The following SCLT1 variants were observed in gnomAD, a reference collection of about 807,000 sequenced individuals.
SCLT1 encodes the protein sodium channel-associated protein 1.
A neutral mutation model predicts 112.8 loss-of-function variants in SCLT1; 78 were observed. The ratio of observed to expected loss-of-function variants is 0.69; its 90% CI spans 0.58 to 0.83. The LOEUF is 0.83. Ranked by LOEUF, SCLT1 falls within the 40% of genes least tolerant of loss-of-function variation. The pLI, the probability that SCLT1 is intolerant of heterozygous loss-of-function variation, is 0.00. For missense variants in SCLT1, 747 were observed against 770.4 expected (o/e 0.97, Z 0.36); for synonymous variants, 257 against 254.7 (o/e 1.01, Z -0.09).
At chr4:128,928,693 G>A (rs561199339) in intron 18 of SCLT1, among the ~76,000 whole-genome samples, 3 of 152,172 alleles carry the variant, frequency 2.0e-5, no homozygotes, top group African/African-American at 4.8e-5. Context: ...CTAACCAGGC[G>A]TGGTGGTGCA....
intron 9 of SCLT1, among the ~76,000 whole-genome samples, chr4:128,986,283 A>G (rs1387806046): frequency 6.6e-6 from 1 of 151,956 alleles, no homozygotes; most frequent in Non-Finnish European, 1.5e-5. Context: ...GAGCATTTAG[A>G]CCAGCCCCAG....
intron 7 of SCLT1, among the ~76,000 whole-genome samples, chr4:128,999,297 C>G (rs74984795): frequency 1.3e-5 from 2 of 151,926 alleles, no homozygotes; most frequent in South Asian, 2.1e-4. Context: ...TGTATTTGAG[C>G]AGGTTTCTTC....
At chr4:129,023,210 CAA>C (rs1745656374) in intron 5 of SCLT1, among the ~76,000 whole-genome samples, 1 of 152,088 alleles carries the variant, frequency 6.6e-6, no homozygotes, top group Non-Finnish European at 1.5e-5. Context: ...ATATAAAGAC[CAA>C]TGACACTATG....
intron 11 of SCLT1, 113 bp downstream of exon 11, chr4:128,965,114 T>C (rs1176491588): frequency 1.7e-6 from 1 of 603,056 alleles, no homozygotes; most frequent in Non-Finnish European, 2.9e-6. Flanking sequence ...ATGATTATAG[T>C]TTTGATTTGG....
chr4:129,038,313 T>G (rs2125691124), intron 5 of SCLT1, among the ~76,000 whole-genome samples: 1 of 152,290 alleles, frequency 6.6e-6, no homozygotes, highest in Admixed American at 6.5e-5. Context: ...TACACCTATT[T>G]TGGAAATTAA....
At chr4:129,061,620 T>C (rs35693043) in intron 2 of SCLT1, among the ~76,000 whole-genome samples, 13,403 of 152,016 alleles carry the variant, frequency 0.088, 754 homozygotes, top group South Asian at 0.15. Context: ...GCTGTTCTCA[T>C]AGGAGACAGG....
chr4:128,978,321 G>A (rs1024587865), intron 9 of SCLT1, among the ~76,000 whole-genome samples: 1 of 152,082 alleles, frequency 6.6e-6, no homozygotes, highest in Non-Finnish European at 1.5e-5. Flanking sequence ...AAATTGGGTA[G>A]GGTAGATATG....
intron 2 of SCLT1, among the ~76,000 whole-genome samples, chr4:129,057,510 A>C (rs1487100551): frequency 6.7e-6 from 1 of 150,000 alleles, no homozygotes; most frequent in African/African-American, 2.5e-5. Context: ...TTATTCTTTA[A>C]ATGTTTTGGT....
At chr4:129,001,483 T>C (rs1180622943) in intron 6 of SCLT1, among the ~76,000 whole-genome samples, 1 of 152,132 alleles carries the variant, frequency 6.6e-6, no homozygotes, top group African/African-American at 2.4e-5. Context: ...ATTTTTAAAC[T>C]ATGTCAAATG....
At chr4:128,902,008 C>G (rs1734352997) in intron 18 of SCLT1, among the ~76,000 whole-genome samples, 1 of 152,030 alleles carries the variant, frequency 6.6e-6, no homozygotes, top group South Asian at 2.1e-4. Flanking sequence ...CCTTGACCTT[C>G]TAGGCTCAAG....
In SCLT1 at chr4:129,024,695, C is replaced by T. The variant is rs549306058; in HGVS notation, c.290+14346G>A. Among the ~76,000 whole-genome samples, 327 of 152,322 alleles carry T rather than the reference C, an allele frequency of 2.1e-3. 3 individuals are homozygous for T. Among genetic ancestry groups the T allele is most frequent in the Admixed American group, 0.019 (292 of 15,296 alleles). On this transcript the variant is annotated intron_variant, in intron 5 of 20. Coordinates refer to ENST00000281142, the MANE Select transcript of SCLT1 (RefSeq NM_144643.4). ...TCACCAGCAACGGAACAAAGCTGGACAGAGAATGACTTTGACGAGTTGAGA... is the reference window on the plus strand; with the variant it reads ...TCACCAGCAACGGAACAAAGCTGGATAGAGAATGACTTTGACGAGTTGAGA...
At chr4:128,901,708 C>T (rs1734318148) in intron 18 of SCLT1, among the ~76,000 whole-genome samples, 1 of 151,644 alleles carries the variant, frequency 6.6e-6, no homozygotes, top group African/African-American at 2.4e-5. Flanking sequence ...CACCCTTGTC[C>T]CCCTTCTTTT....
rs185840163 is a variant in SCLT1 at position 128,982,781 on chromosome 4, C to T, written c.686+9386G>A. On this transcript the variant is annotated intron_variant, in intron 9 of 20. Transcript: ENST00000281142. ...CCTCCGAAAGTGCTGAGATTACAGG[C>T]ATGAGCTACCGCACCTGGCCAGCTA... Among the ~76,000 whole-genome samples, 573 of 152,212 alleles carry T rather than the reference C, an allele frequency of 3.8e-3. 2 individuals carry two copies. The highest frequency in any genetic ancestry group is 0.011 in the African/African-American group (475 of 41,552).
At chr4:128,983,345 G>A (rs895551986) in intron 9 of SCLT1, among the ~76,000 whole-genome samples, 3 of 151,938 alleles carry the variant, frequency 2.0e-5, no homozygotes, top group Non-Finnish European at 4.4e-5. Flanking sequence ...TAACTCAGTT[G>A]GATATATATT....
rs370520504 is a variant in SCLT1, at chr4:128,952,365, T to C, written c.1218+404A>G. ...CACCTCTAGCCACACAAGTATTCTTTTCCTCTCCCCTCTTGGCCTACTCAT... is the reference window on the plus strand; with the variant it reads ...CACCTCTAGCCACACAAGTATTCTTCTCCTCTCCCCTCTTGGCCTACTCAT... On this transcript the variant is annotated intron_variant, in intron 14 of 20. Coordinates refer to ENST00000281142, the MANE Select transcript of SCLT1 (RefSeq NM_144643.4). The C allele has an allele frequency of 5.4e-4, 247 of 459,188 alleles. 2 individuals carry two copies. Among genetic ancestry groups the C allele is most frequent in the South Asian group, 3.7e-3 (240 of 64,576 alleles). The allele number at this position is 459,188 out of a possible 1,614,324, so 28.4% of individuals were successfully genotyped here. A position where few individuals can be genotyped will look rare whatever the true frequency, so the allele number is the denominator to read the frequency against.
At chr4:129,081,789 T>C (rs963955562) in intron 2 of SCLT1, among the ~76,000 whole-genome samples, 2 of 152,178 alleles carry the variant, frequency 1.3e-5, no homozygotes, top group African/African-American at 2.4e-5. Context: ...AAAACACTCT[T>C]ATTTGCTTCT....
At chr4:128,974,996 G>A (rs1741018922) in intron 9 of SCLT1, among the ~76,000 whole-genome samples, 1 of 140,196 alleles carries the variant, frequency 7.1e-6, no homozygotes, top group Admixed American at 7.3e-5. Flanking sequence ...TTTCATTAAT[G>A]TATTACTTCA....
intron 2 of SCLT1, among the ~76,000 whole-genome samples, chr4:129,051,737 C>A (rs1414205034): frequency 6.6e-6 from 1 of 152,148 alleles, no homozygotes; most frequent in African/African-American, 2.4e-5. Context: ...TGCCTGATTG[C>A]CCTGGCCAGA....
intron 17 of SCLT1, among the ~76,000 whole-genome samples, chr4:128,940,693 T>G (rs1267510608): frequency 1.3e-5 from 2 of 151,926 alleles, no homozygotes; most frequent in Non-Finnish European, 2.9e-5. Context: ...AAAGCAATTA[T>G]GTAGAAGTTA....
Sources: gnomAD v4.1 joint callset for allele counts (sites outside exome capture counted in the v4.1 genomes callset) on GRCh38, gnomAD v4.1.1 for gene constraint, MANE v1.5 for transcripts, NCBI Gene and HGNC (gene_info 2026-07-23, HGNC 2026-07-21) for gene names.